MCTP2: variants seen among roughly 807,000 people sequenced by gnomAD.
MCTP2 encodes multiple C2 and transmembrane domain containing 2.
In MCTP2, 132 loss-of-function variants were observed where a neutral mutation model predicts 111.6. That is an observed-to-expected ratio of 1.18 (90% CI 1.03 to 1.37). MCTP2 has a LOEUF of 1.37. Among genes scored for constraint, MCTP2 ranks in the 40% most tolerant of loss-of-function variants. The pLI is 0.00. For synonymous variants in MCTP2, 395 were observed against 387.7 expected (o/e 1.02, Z -0.22); for missense variants, 1,183 against 1,067.9 (o/e 1.11, Z -1.50).
chr15:94,455,555 A>G (rs537727502), intron 19 of MCTP2, among the ~76,000 whole-genome samples: 1 of 152,138 alleles, frequency 6.6e-6, no homozygotes, highest in South Asian at 2.1e-4. Flanking sequence ...ATCCTGCCTC[A>G]GCTTGGACTG....
intron 14 of MCTP2, among the ~76,000 whole-genome samples, chr15:94,395,296 C>G (rs955169735): frequency 6.6e-6 from 1 of 152,188 alleles, no homozygotes; most frequent in Non-Finnish European, 1.5e-5. Context: ...GCTGAAAGAG[C>G]AATGCTATTT....
intron 4 of MCTP2, among the ~76,000 whole-genome samples, chr15:94,332,163 A>C (rs540891237): frequency 2.0e-5 from 3 of 152,178 alleles, no homozygotes; most frequent in Non-Finnish European, 4.4e-5. Context: ...CATAATGTCC[A>C]TTAGGGTTTC....
intron 7 of MCTP2, among the ~76,000 whole-genome samples, chr15:94,344,737 A>G (rs943650197): frequency 2.0e-5 from 3 of 152,214 alleles, no homozygotes; most frequent in African/African-American, 4.8e-5. Context: ...CTAAACATCA[A>G]CTATCAGTGG....
chr15:94,363,910 T>C (rs914887213), intron 10 of MCTP2, among the ~76,000 whole-genome samples: 4 of 152,142 alleles, frequency 2.6e-5, no homozygotes, highest in African/African-American at 9.7e-5. Context: ...ATTCCTTATA[T>C]AGATGCCCTG....
intron 10 of MCTP2, among the ~76,000 whole-genome samples, chr15:94,365,825 T>C (rs1323754128): frequency 2.0e-5 from 3 of 152,200 alleles, no homozygotes; most frequent in African/African-American, 7.2e-5. Context: ...TTATTAATGG[T>C]ATTAAAAAGA....
At chr15:94,245,238 A>G (rs185950353) in intron 1 of MCTP2, among the ~76,000 whole-genome samples, 1 of 142,894 alleles carries the variant, frequency 7.0e-6, no homozygotes, top group Non-Finnish European at 1.5e-5. Flanking sequence ...ATATGTATGT[A>G]TATATACACA....
intron 19 of MCTP2, among the ~76,000 whole-genome samples, chr15:94,447,956 A>T (rs1357868633): frequency 6.6e-6 from 1 of 152,150 alleles, no homozygotes; most frequent in Non-Finnish European, 1.5e-5. Flanking sequence ...AGTCCTTTTA[A>T]TTTGATTTAA....
Position 94,458,185 on chromosome 15 carries a change from A to G in MCTP2, c.2299A>G (p.Ile767Val). Residue 767 changes from isoleucine to valine, a missense_variant, in exon 20 of 23, where the codon ATT (isoleucine) becomes GTT (valine). Transcript: ENST00000357742. Reference sequence around the variant, plus strand: ...TGAAAGAATCTATATGGTACAGGATATTGTTTCAACTGTTCAAAACGTCTT... The same window carrying G: ...TGAAAGAATCTATATGGTACAGGATGTTGTTTCAACTGTTCAAAACGTCTT... ...LIERIYMVQDIVSTVQNVLEE... is the reference protein window; with the variant it reads ...LIERIYMVQDVVSTVQNVLEE... 1.9e-6 allele frequency: 3 copies of G among 1,612,894 alleles called. No homozygotes were observed. Among genetic ancestry groups the G allele is most frequent in the Non-Finnish European group, 2.5e-6 (3 of 1,178,834 alleles).
At chr15:94,439,315 T>G (rs1214769628) in intron 17 of MCTP2, among the ~76,000 whole-genome samples, 1 of 152,188 alleles carries the variant, frequency 6.6e-6, no homozygotes, top group East Asian at 1.9e-4. Context: ...GTTGATATGT[T>G]ATAGCAGTGG....
chr15:94,390,483 C>T (rs1222016686), intron 14 of MCTP2, among the ~76,000 whole-genome samples: 5 of 152,102 alleles, frequency 3.3e-5, no homozygotes, highest in Admixed American at 6.5e-5. Context: ...ATATTTTTAT[C>T]CTTAATTAAG....
At chr15:94,418,268 A>G (rs1476558440) in intron 17 of MCTP2, among the ~76,000 whole-genome samples, 1 of 152,170 alleles carries the variant, frequency 6.6e-6, no homozygotes, top group Non-Finnish European at 1.5e-5. Context: ...AGGGCCCCAC[A>G]GTGCCAAAAA....
intron 5 of MCTP2, 41 bp downstream of exon 5, chr15:94,339,473 A>G (rs745745929): frequency 2.0e-6 from 3 of 1,521,372 alleles, no homozygotes; most frequent in Admixed American, 2.1e-5. Flanking sequence ...TTTATTAAAA[A>G]CATTTCTCAG....
intron 1 of MCTP2, among the ~76,000 whole-genome samples, chr15:94,285,027 T>G (rs1469597172): frequency 6.6e-6 from 1 of 152,182 alleles, no homozygotes; most frequent in East Asian, 1.9e-4. Context: ...GGTAATTCTC[T>G]AGGAGGACTC....
At chr15:94,386,279 C>T (rs1336850745) in intron 14 of MCTP2, among the ~76,000 whole-genome samples, 2 of 152,186 alleles carry the variant, frequency 1.3e-5, no homozygotes, top group East Asian at 1.9e-4. Flanking sequence ...CAACCATTAA[C>T]ACAGTTTGTT....
At chr15:94,359,238 C>T (rs537256794) in intron 10 of MCTP2, among the ~76,000 whole-genome samples, 48 of 152,298 alleles carry the variant, frequency 3.2e-4, no homozygotes, top group African/African-American at 1.1e-3. Flanking sequence ...CACAGATCAT[C>T]TCTGAGCTTC....
chr15:94,477,898 A>G (rs74029270), intron 22 of MCTP2, among the ~76,000 whole-genome samples: 6 of 152,160 alleles, frequency 3.9e-5, no homozygotes, highest in East Asian at 1.9e-4. Context: ...TTTGTTTTGC[A>G]TTGAAGATTG....
chr15:94,293,253 A>G lies in MCTP2; in HGVS notation c.-65-4948A>G, dbSNP rs191588060. Among the ~76,000 whole-genome samples, 428 of 152,292 alleles carry G rather than the reference A, an allele frequency of 2.8e-3. 1 individual carries two copies. The highest frequency in any genetic ancestry group is 9.9e-3 in the African/African-American group (411 of 41,578). On this transcript the variant is annotated intron_variant, in intron 1 of 22. Transcript: ENST00000357742. ...AAACTTTTACTGTGCAAAAGGCACT[A>G]CTAAGAATGAGAAGACAAGCTACAA...
chr15:94,440,298 G>T lies in MCTP2; in HGVS notation c.2208G>T (p.Gln736His). The T allele has an allele frequency of 6.2e-7, 1 of 1,613,556 alleles. No homozygotes were observed. The highest frequency in any genetic ancestry group is 8.5e-7 in the Non-Finnish European group (1 of 1,179,830). Residue 736 changes from glutamine (Q) to histidine (H), a missense_variant and splice_region_variant, in exon 18 of 23, where the codon CAG becomes CAT. Gln to His is a conservative substitution (Grantham distance 24). Transcript: ENST00000357742. The stretch of plus-strand genomic sequence containing the variant: ...AGGTCAGCAGCATCCAGGACAGCCA[G>T]GTAAGCAAGGATTCGGAGTTCTGAC... ...KGKVSSIQDS[Q>H]ESTDIDDEED...
At chr15:94,449,893 C>T (rs1234837917) in intron 19 of MCTP2, among the ~76,000 whole-genome samples, 1 of 152,128 alleles carries the variant, frequency 6.6e-6, no homozygotes, top group African/African-American at 2.4e-5. Flanking sequence ...AACCATTAGC[C>T]TTGTTTACCT....
Sources: gnomAD v4.1 joint callset for allele counts (sites outside exome capture counted in the v4.1 genomes callset) on GRCh38, gnomAD v4.1.1 for gene constraint, MANE v1.5 for transcripts, NCBI Gene and HGNC (gene_info 2026-07-23, HGNC 2026-07-21) for gene names.